The following SSBP4 variants were observed in gnomAD, a reference collection of about 807,000 sequenced individuals.
SSBP4 encodes single-stranded DNA-binding protein 4.
A neutral mutation model predicts 64.6 loss-of-function variants in SSBP4; 33 were observed. That is an observed-to-expected ratio of 0.51 (90% confidence interval 0.39 to 0.68). The LOEUF (loss-of-function observed/expected upper bound fraction) is 0.68. Ranked by LOEUF, SSBP4 falls within the 30% of genes least tolerant of loss-of-function variation. SSBP4 has a pLI of 0.00. For synonymous variants in SSBP4, 243 were observed against 224.0 expected, an observed-to-expected ratio of 1.08 and a Z score of -0.76; for missense variants, 583 against 566.8, an observed-to-expected ratio of 1.03 and a Z score of -0.29.
intron 4 of SSBP4, 100 bp downstream of exon 4, chr19:18,428,082 C>A: frequency 8.2e-7 from 1 of 1,214,484 alleles, no homozygotes; most frequent in South Asian, 1.3e-5. Flanking sequence ...CAGAGGAGGG[C>A]TGGGGATGGT....
Position 18,433,837 on chromosome 19 carries a change from C to T in SSBP4, c.1128+20C>T, listed in dbSNP as rs973104980. 8.8e-6 allele frequency: 12 copies of T among 1,359,358 alleles called. No homozygotes were observed. The highest frequency in any genetic ancestry group is 1.6e-5 in the South Asian group (1 of 63,024). 84.2% of individuals were successfully genotyped at this position (1,359,358 alleles called of 1,614,324 possible). A position where few individuals can be genotyped will look rare whatever the true frequency, so the allele number is the denominator to read the frequency against. On this transcript the variant is annotated intron_variant, in intron 17 of 17. Coordinates refer to ENST00000270061, the MANE Select transcript of SSBP4 (RefSeq NM_032627.5). ...GAAAGCGTAAGCGACTGCGTCGACTCCCCCCCCGCGGCGGCGTCGGGCCGG... is the reference window on the plus strand; with the variant it reads ...GAAAGCGTAAGCGACTGCGTCGACTTCCCCCCCGCGGCGGCGTCGGGCCGG...
Position 18,433,164 on chromosome 19 carries a change from C to G in SSBP4, c.942C>G (p.Pro314=). ...CGCTCGGCCCTGGCCCGGAGGGCCC[C>G]ATGGCCGCCATGAGCGCGATGGAGC... ...NFPLGPGPEG[P]MAAMSAMEPH... Residue 314 remains proline (P), a synonymous_variant, in exon 15 of 18, where the codon CCC becomes CCG. Transcript: ENST00000270061. 2 of 1,595,196 alleles carry G rather than the reference C, an allele frequency of 1.3e-6. No homozygotes were observed. Among genetic ancestry groups the G allele is most frequent in the Non-Finnish European group, 1.7e-6 (2 of 1,171,854 alleles).
At position 18,419,573 on chromosome 19, in the gene SSBP4, A is replaced by T; in HGVS notation, c.-76A>T. On this transcript the variant is annotated 5_prime_UTR_variant, in exon 1 of 18. Coordinates refer to ENST00000270061, the MANE Select transcript of SSBP4 (RefSeq NM_032627.5). ...GGCGGTGAGGCCCGGGGCGCGGGGT[A>T]GCTATGGCGACGGCAAGCGCGGCCC... 8.3e-7 allele frequency: 1 copy of T among 1,205,520 alleles called. No individual in the cohort carries two copies. Among genetic ancestry groups the T allele is most frequent in the Non-Finnish European group, 1.0e-6 (1 of 967,266 alleles). 74.7% of individuals were successfully genotyped at this position (1,205,520 alleles called of 1,614,324 possible).
At chr19:18,433,280 C>A in intron 15 of SSBP4, 67 bp downstream of exon 15, 2 of 1,517,098 alleles carry the variant, frequency 1.3e-6, no homozygotes, top group Non-Finnish European at 8.9e-7. Context: ...GCTGCTTCCC[C>A]CTGCCGTCAG....
At chr19:18,429,279 C>T (rs899914652) in intron 4 of SSBP4, among the ~76,000 whole-genome samples, 4 of 151,426 alleles carry the variant, frequency 2.6e-5, no homozygotes, top group Non-Finnish European at 5.9e-5. Flanking sequence ...TCCCCGGCTC[C>T]CTGCCGACCT....
At chr19:18,410,479 A>C in the SSBP4 span, among the ~76,000 whole-genome samples, 3 of 152,170 alleles carry the variant, frequency 2.0e-5, no homozygotes, top group East Asian at 1.9e-4. Context: ...TCTAGAAAAA[A>C]ATATGGACAA....
Position 18,419,399 on chromosome 19 carries a change from T to A in SSBP4, c.-250T>A, listed in dbSNP as rs2144664404. ...CGCGGCGGGAGGAGGGGAGCGCGCG[T>A]TTCCCGGAACAGCCCGCGCGGAGGA... On this transcript the variant is annotated 5_prime_UTR_variant, in exon 1 of 18. Coordinates refer to ENST00000270061, the MANE Select transcript of SSBP4 (RefSeq NM_032627.5). 1 of 1,029,390 alleles carries A rather than the reference T, an allele frequency of 9.7e-7. No homozygotes were observed. Among genetic ancestry groups the A allele is most frequent in the East Asian group, 9.2e-5 (1 of 10,920 alleles). 63.8% of individuals were successfully genotyped at this position (1,029,390 alleles called of 1,614,324 possible).
the SSBP4 span, among the ~76,000 whole-genome samples, chr19:18,403,677 ATCCAGAAGTCTGGGGG>A: frequency 9.5e-6 from 1 of 104,860 alleles, no homozygotes; most frequent in African/African-American, 3.9e-5. Context: ...GGGTCTGGGG[ATCCAGAAGTCTGGGGG>A]TCCTGGGGTC....
chr19:18,418,939 C>G, upstream of SSBP4: 3 of 982,588 alleles, frequency 3.1e-6, no homozygotes, highest in Middle Eastern at 5.3e-4. This position sits in a 1 kb window ranked among gnomAD's most constrained non-coding sequence, Gnocchi z 6.7. Context: ...TGTCGCTGGG[C>G]GGGCTGTATG....
At chr19:18,432,650 ACACTGGGTGAGCCGCCTGGCTGACTGCT>A in intron 11 of SSBP4, 22 bp from the exon 12 acceptor site, 1 of 1,552,908 alleles carries the variant, frequency 6.4e-7, no homozygotes, top group African/African-American at 1.4e-5. Flanking sequence ...GGTGGGAGGG[ACACTGGGTGAGCCGCCTGGCTGACTGCT>A]CACAGCTGCC....
chr19:18,431,803 G>T lies in SSBP4; in HGVS notation c.506G>T (p.Gly169Val). 1 of 1,560,578 alleles carries T rather than the reference G, an allele frequency of 6.4e-7. No individual in the cohort carries two copies. Among genetic ancestry groups the T allele is most frequent in the East Asian group, 2.4e-5 (1 of 41,834 alleles). ...GCACCCCCTCCGCAGCCTCCCGCAGGCCTCCCTGGCTCCCAGCCCCTCCTC... is the reference window on the plus strand; with the variant it reads ...GCACCCCCTCCGCAGCCTCCCGCAGTCCTCCCTGGCTCCCAGCCCCTCCTC... ...TLRMPSQPPA[G>V]LPGSQPLLPG... The change falls in exon 8 of 18, where the codon GGC becomes GTC. Residue 169 changes from glycine to valine, a missense_variant. Transcript: ENST00000270061.
upstream of SSBP4, among the ~76,000 whole-genome samples, chr19:18,417,802 C>T (rs886384981): frequency 1.3e-5 from 2 of 152,148 alleles, no homozygotes; most frequent in Admixed American, 1.3e-4. The surrounding 1 kb of genome is among the most constrained non-coding windows in gnomAD (Gnocchi z 5.4). Flanking sequence ...TGGGGCCGGT[C>T]CTGCCCTTCC....
At chr19:18,428,780 ACT>A (rs1031885375) in intron 4 of SSBP4, among the ~76,000 whole-genome samples, 3 of 151,860 alleles carry the variant, frequency 2.0e-5, no homozygotes, top group African/African-American at 7.3e-5. Flanking sequence ...TGCCTCCAGC[ACT>A]CTGCATGAGA....
At chr19:18,414,079 T>G (rs371570513), upstream of SSBP4, among the ~76,000 whole-genome samples, 1 of 151,260 alleles carries the variant, frequency 6.6e-6, no homozygotes, top group African/African-American at 2.4e-5. Context: ...AGGTGAGGAG[T>G]AGCAGAAGCT....
chr19:18,411,459 C>A, the SSBP4 span, among the ~76,000 whole-genome samples: 1 of 152,036 alleles, frequency 6.6e-6, no homozygotes, highest in Non-Finnish European at 1.5e-5. Context: ...TGCGCCACTG[C>A]ACTCCAGCCT....
At chr19:18,416,750 G>A (rs1972134481), upstream of SSBP4, among the ~76,000 whole-genome samples, 1 of 152,152 alleles carries the variant, frequency 6.6e-6, no homozygotes, top group Non-Finnish European at 1.5e-5. Flanking sequence ...TCCACTTCCA[G>A]GTCTTTCAAA....
In SSBP4 at chr19:18,427,940, G is replaced by A. The variant is rs1489389737; in HGVS notation, c.237G>A (p.Glu79=). 3.7e-6 allele frequency: 6 copies of A among 1,613,472 alleles called. No homozygotes were observed. Among genetic ancestry groups the A allele is most frequent in the South Asian group, 1.1e-5 (1 of 91,082 alleles). The change falls in exon 4 of 18, where the codon GAG becomes GAA. Residue 79 remains glutamate, a synonymous_variant. Coordinates refer to ENST00000270061, the MANE Select transcript of SSBP4 (RefSeq NM_032627.5). The surrounding 1 kb of genome is among the most constrained non-coding windows in gnomAD (Gnocchi z 4.4). ...DLYCAAPDRR[E]ACEHSGEAKA... ...ACTGCGCGGCGCCTGACAGAAGAGA[G>A]GCCTGCGAGCACTCCGGCGAGGCCA...
chr19:18,403,464 T>A, the SSBP4 span, among the ~76,000 whole-genome samples: 1 of 152,160 alleles, frequency 6.6e-6, no homozygotes, highest in Non-Finnish European at 1.5e-5. Context: ...CACCCCTTCA[T>A]GCAGGTCTTA....
At chr19:18,413,640 G>A in the SSBP4 span, among the ~76,000 whole-genome samples, 1 of 152,200 alleles carries the variant, frequency 6.6e-6, no homozygotes, top group Non-Finnish European at 1.5e-5. Flanking sequence ...CCTGCAGGGG[G>A]TGCCCAGGAG....
Sources: allele counts gnomAD v4.1 joint callset (sites outside exome capture counted in the v4.1 genomes callset), GRCh38; gene constraint gnomAD v4.1.1; non-coding constraint Gnocchi (gnomAD v3.1); transcripts MANE v1.5; gene names NCBI Gene and HGNC (gene_info 2026-07-23, HGNC 2026-07-21).